Variants in PTPRD observed in about 807,000 individuals in gnomAD.
The protein encoded by PTPRD is receptor-type tyrosine-protein phosphatase delta.
In PTPRD, 34 loss-of-function variants were observed where a neutral mutation model predicts 214.5. That is an observed-to-expected ratio of 0.16 (90% CI 0.12 to 0.21). The LOEUF (loss-of-function observed/expected upper bound fraction) is 0.21, where lower values mean the gene tolerates loss of function less well. Ranked by LOEUF, PTPRD falls within the 10% of genes least tolerant of loss-of-function variation. The pLI, the probability that PTPRD is intolerant of heterozygous loss-of-function variation, is 1.00. For synonymous variants in PTPRD, 1,128 were observed against 845.7 expected (o/e 1.33, Z -5.79); for missense variants, 2,545 against 2,398.7 (o/e 1.06, Z -1.27).
intron 3 of PTPRD, among the ~76,000 whole-genome samples, chr9:10,318,588 C>A (rs891330286): frequency 3.3e-5 from 5 of 151,928 alleles, no homozygotes; most frequent in Admixed American, 1.3e-4. Context: ...TTGGAGTCCA[C>A]AGAAGGGAGT....
At chr9:8,775,490 G>A (rs985167809) in intron 11 of PTPRD, among the ~76,000 whole-genome samples, 14 of 152,044 alleles carry the variant, frequency 9.2e-5, no homozygotes, top group African/African-American at 3.4e-4. Context: ...GTACATAACA[G>A]GTATGGAATA....
chr9:8,655,536 AAAC>A (rs1280203906), intron 12 of PTPRD, among the ~76,000 whole-genome samples: 4 of 152,182 alleles, frequency 2.6e-5, no homozygotes, highest in African/African-American at 7.2e-5. Flanking sequence ...TTCAAATTTT[AAAC>A]AACAATATGA....
chr9:8,982,315 T>G (rs2099316891), intron 11 of PTPRD, among the ~76,000 whole-genome samples: 1 of 152,022 alleles, frequency 6.6e-6, no homozygotes, highest in African/African-American at 2.4e-5. Context: ...TGCGTTAGCT[T>G]CTTTTAGGGC....
At chr9:9,848,041 A>G (rs1224723930) in intron 5 of PTPRD, among the ~76,000 whole-genome samples, 1 of 152,152 alleles carries the variant, frequency 6.6e-6, no homozygotes, top group Non-Finnish European at 1.5e-5. Context: ...ATAAGAAAAG[A>G]CTTGTGAATA....
At chr9:9,072,300 CACACA>C (rs2099744944) in intron 10 of PTPRD, among the ~76,000 whole-genome samples, 2 of 151,424 alleles carry the variant, frequency 1.3e-5, no homozygotes, top group African/African-American at 4.9e-5. Flanking sequence ...CACACACACA[CACACA>C]CACACACACA....
intron 11 of PTPRD, among the ~76,000 whole-genome samples, chr9:8,842,869 T>G (rs1274999441): frequency 6.6e-6 from 1 of 152,024 alleles, no homozygotes; most frequent in Non-Finnish European, 1.5e-5. Flanking sequence ...CCTTCACATC[T>G]CCCTCCTGCT....
intron 4 of PTPRD, among the ~76,000 whole-genome samples, chr9:9,940,219 G>C (rs1208648821): frequency 6.6e-6 from 1 of 152,094 alleles, no homozygotes; most frequent in African/African-American, 2.4e-5. Flanking sequence ...AATGATCTTG[G>C]TTTGGGAGTC....
chr9:10,516,720 C>A (rs1430246626), intron 2 of PTPRD, among the ~76,000 whole-genome samples: 1 of 151,788 alleles, frequency 6.6e-6, no homozygotes, highest in Non-Finnish European at 1.5e-5. Context: ...CATGTTCAAC[C>A]CTTTAATTCC....
At chr9:9,971,913 G>A (rs1190652160) in intron 4 of PTPRD, among the ~76,000 whole-genome samples, 4 of 151,602 alleles carry the variant, frequency 2.6e-5, no homozygotes, top group Non-Finnish European at 5.9e-5. Context: ...AACTCTCTTT[G>A]GAAACATTGC....
Position 8,929,799 on chromosome 9 carries a change from GTATATATGTGTATATATATGTGTA to G in PTPRD, c.-104+88874_-104+88897del. Among the ~76,000 whole-genome samples the G allele has an allele frequency of 5.0e-5, 2 of 40,214 alleles. 1 individual carries two copies. The highest frequency in any genetic ancestry group is 2.1e-4 in the African/African-American group (2 of 9,580). The allele number at this position is 40,214 out of a possible 152,430, so 26.4% of individuals were successfully genotyped here. A position where few individuals can be genotyped will look rare whatever the true frequency, so the allele number is the denominator to read the frequency against. On this transcript the variant is annotated intron_variant, in intron 11 of 45. Transcript: ENST00000381196. Reference sequence around the variant, plus strand: ...TATATGGGTGTGTATATATGTGTGTGTATATATGTGTATATATATGTGTATATATATGTGTATATATATGTGTGT... The same window carrying G: ...TATATGGGTGTGTATATATGTGTGTGTATATATGTGTATATATATGTGTGT...
At chr9:9,097,347 C>T (rs1174869571) in intron 10 of PTPRD, among the ~76,000 whole-genome samples, 1 of 151,446 alleles carries the variant, frequency 6.6e-6, no homozygotes, top group East Asian at 1.9e-4. Flanking sequence ...ATGAATTAAG[C>T]TAAGGACTGG....
intron 2 of PTPRD, among the ~76,000 whole-genome samples, chr9:10,352,897 T>C (rs965229517): frequency 6.6e-6 from 1 of 152,014 alleles, no homozygotes; most frequent in African/African-American, 2.4e-5. Flanking sequence ...TACTGATTCC[T>C]AAATGCTGCA....
chr9:8,934,265 G>A (rs144040522), intron 11 of PTPRD, among the ~76,000 whole-genome samples: 3 of 149,800 alleles, frequency 2.0e-5, no homozygotes, highest in African/African-American at 7.4e-5. Context: ...AAAATTAAGT[G>A]AAGGCCCATC....
At chr9:9,376,459 C>T (rs1303088775) in intron 9 of PTPRD, among the ~76,000 whole-genome samples, 2 of 152,102 alleles carry the variant, frequency 1.3e-5, no homozygotes, top group East Asian at 1.9e-4. Context: ...AATGTATTGA[C>T]CTACATAGTG....
At chr9:10,235,922 A>C (rs2099627421) in intron 3 of PTPRD, among the ~76,000 whole-genome samples, 1 of 151,952 alleles carries the variant, frequency 6.6e-6, no homozygotes, top group South Asian at 2.1e-4. Context: ...ATTTTAGTGC[A>C]TTCCAGAACC....
intron 5 of PTPRD, among the ~76,000 whole-genome samples, chr9:9,851,888 G>A (rs982603846): frequency 6.6e-6 from 1 of 152,106 alleles, no homozygotes; most frequent in East Asian, 1.9e-4. Flanking sequence ...TGTTAACATT[G>A]ACAACATCAT....
intron 2 of PTPRD, among the ~76,000 whole-genome samples, chr9:10,547,515 G>C (rs1421100858): frequency 6.6e-6 from 1 of 151,898 alleles, no homozygotes; most frequent in African/African-American, 2.4e-5. Context: ...ACTTTGACCT[G>C]TGAGATTAAA....
At chr9:10,590,648 T>C (rs2132859027) in intron 2 of PTPRD, among the ~76,000 whole-genome samples, 1 of 152,118 alleles carries the variant, frequency 6.6e-6, no homozygotes, top group East Asian at 1.9e-4. Context: ...CAGTAGTTCA[T>C]TCTTTTTTAT....
intron 9 of PTPRD, among the ~76,000 whole-genome samples, chr9:9,339,270 G>T (rs990544720): frequency 3.3e-5 from 5 of 151,528 alleles, no homozygotes; most frequent in East Asian, 1.9e-4. Context: ...GAGGTCAGGA[G>T]ATCGAGACCA....
Sources: gnomAD v4.1 joint callset for allele counts (sites outside exome capture counted in the v4.1 genomes callset) on GRCh38, gnomAD v4.1.1 for gene constraint, MANE v1.5 for transcripts, NCBI Gene and HGNC (gene_info 2026-07-23, HGNC 2026-07-21) for gene names.